The following GLYATL1 variants were observed in gnomAD, a reference collection of about 807,000 sequenced individuals.
GLYATL1 encodes the protein glycine-N-acyltransferase like 1.
GLYATL1 carries 15 observed loss-of-function variants against 20.0 expected under a neutral mutation model. The observed-to-expected ratio is 0.75, with a 90% CI of 0.50 to 1.15. The LOEUF is 1.15. Ranked by LOEUF, GLYATL1 falls within the 50% of genes most tolerant of loss-of-function variation. The pLI is 0.00. For synonymous variants in GLYATL1, 151 were observed against 131.5 expected (o/e 1.15, Z -1.01); for missense variants, 380 against 368.5 (o/e 1.03, Z -0.26).
rs117190061 is a variant in GLYATL1 at position 58,955,885 on chromosome 11, G to A, written c.767G>A (p.Arg256His). The A allele has an allele frequency of 3.3e-4, 530 of 1,614,158 alleles. 1 individual carries two copies. In the East Asian group the frequency reaches 9.8e-3, roughly 30 times the overall value. The change falls in exon 7 of 7, where the codon CGT (arginine) becomes CAT (histidine). Residue 256 changes from arginine (R) to histidine (H), a missense_variant. By Grantham distance (29) the Arg-to-His change is conservative. Transcript: ENST00000532726. ...RVMVRYMKYL[R>H]QKNIPFYISV... ...ATGGTGCGATACATGAAATATCTGC[G>A]TCAGAAGAATATTCCATTTTACATC...
chr11:58,934,712 A>C (rs1855751041), upstream of GLYATL1: 1 of 152,832 alleles, frequency 6.5e-6, no homozygotes, highest in African/African-American at 2.4e-5. Context: ...AGAGGATGGG[A>C]CCATAGGAAC....
intron 2 of GLYATL1, among the ~76,000 whole-genome samples, 175 bp downstream of exon 2, chr11:58,943,841 A>C (rs1856361865): frequency 6.6e-6 from 1 of 152,204 alleles, no homozygotes; most frequent in Admixed American, 6.5e-5. Flanking sequence ...GAGGCCTCTT[A>C]CATCTCACTG....
downstream of GLYATL1, among the ~76,000 whole-genome samples, chr11:58,913,054 C>T (rs1590766518): frequency 6.6e-6 from 1 of 152,176 alleles, no homozygotes; most frequent in Non-Finnish European, 1.5e-5. Flanking sequence ...CTGGCTAGGG[C>T]TTTTTGTCCA....
intron 1 of GLYATL1, among the ~76,000 whole-genome samples, chr11:58,906,787 C>T (rs895175108): frequency 2.0e-5 from 3 of 152,186 alleles, no homozygotes; most frequent in Non-Finnish European, 4.4e-5. Context: ...AGGTTACCTT[C>T]ATAGGTTCTG....
At chr11:58,941,228 C>A (rs1298822390) in intron 1 of GLYATL1, among the ~76,000 whole-genome samples, 1 of 123,116 alleles carries the variant, frequency 8.1e-6, no homozygotes, top group African/African-American at 3.1e-5. Context: ...GTGTGATGTT[C>A]CCCTTCCTGT....
At chr11:58,938,787 G>C (rs117508267), upstream of GLYATL1, among the ~76,000 whole-genome samples, 439 of 152,256 alleles carry the variant, frequency 2.9e-3, 11 homozygotes, top group South Asian at 0.044. Flanking sequence ...CCATATGCAC[G>C]TGCTGAGTTC....
At chr11:58,951,585 C>T (rs527805698) in intron 4 of GLYATL1, among the ~76,000 whole-genome samples, 110 of 152,138 alleles carry the variant, frequency 7.2e-4, no homozygotes, top group African/African-American at 2.6e-3. Flanking sequence ...GACCATTTTT[C>T]GACAATTTTG....
Position 58,955,929 on chromosome 11 carries a change from G to A in GLYATL1, c.811G>A (p.Glu271Lys), listed in dbSNP as rs1369326571. ...TTACATCTCTGTGTTGGAAGAAAAT[G>A]AAGACTCCCGCAGATTTGTGGGGCA... ...PFYISVLEEN[E>K]DSRRFVGQFG... is the part of the protein sequence containing the mutation. Residue 271 changes from glutamate to lysine, a missense_variant, in exon 7 of 7, where the codon GAA (glutamate) becomes AAA (lysine). Coordinates refer to ENST00000532726, the MANE Select transcript of GLYATL1 (RefSeq NM_001389712.2). The A allele has an allele frequency of 6.2e-7, 1 of 1,614,198 alleles. No individual in the cohort carries two copies. Among genetic ancestry groups the A allele is most frequent in the South Asian group, 1.1e-5 (1 of 91,076 alleles).
At chr11:58,925,880 G>A (rs1385434826), upstream of GLYATL1, among the ~76,000 whole-genome samples, 1 of 152,162 alleles carries the variant, frequency 6.6e-6, no homozygotes, top group Non-Finnish European at 1.5e-5. Context: ...CCTGTGGAAT[G>A]TTGAATATTC....
intron 2 of GLYATL1, 119 bp downstream of exon 2, chr11:58,943,785 C>T: frequency 7.1e-7 from 1 of 1,412,462 alleles, no homozygotes; most frequent in East Asian, 2.4e-5. Context: ...CAGACTGGGT[C>T]TAGGAACAGA....
downstream of GLYATL1, among the ~76,000 whole-genome samples, chr11:58,912,624 A>T (rs1310579426): frequency 6.6e-6 from 1 of 152,224 alleles, no homozygotes; most frequent in African/African-American, 2.4e-5. Flanking sequence ...TGTATGCCAG[A>T]TGTGACAGTC....
At chr11:58,932,904 G>A (rs1388204005) in intron 1 of GLYATL1, among the ~76,000 whole-genome samples, 1 of 152,196 alleles carries the variant, frequency 6.6e-6, no homozygotes. Flanking sequence ...CTAATGATTT[G>A]TAGTGTGCTA....
At chr11:58,933,555 C>T (rs1156302255) in intron 1 of GLYATL1, 1 of 152,130 alleles carries the variant, frequency 6.6e-6, no homozygotes, top group Non-Finnish European at 1.5e-5. Flanking sequence ...CCAAGCTATT[C>T]AATGACAATT....
At chr11:58,936,074 A>C (rs1457209768), upstream of GLYATL1, among the ~76,000 whole-genome samples, 1 of 152,232 alleles carries the variant, frequency 6.6e-6, no homozygotes, top group Non-Finnish European at 1.5e-5. Context: ...TAATAAGAGA[A>C]ATAATATGTT....
chr11:58,954,132 T>G (rs1010823450), intron 4 of GLYATL1, among the ~76,000 whole-genome samples: 1 of 152,252 alleles, frequency 6.6e-6, no homozygotes, highest in African/African-American at 2.4e-5. Context: ...CACTAAAGTA[T>G]CTTGCTCAAG....
At chr11:58,947,680 T>C in intron 3 of GLYATL1, 178 bp from the exon 4 acceptor site, 5 of 584,276 alleles carry the variant, frequency 8.6e-6, no homozygotes, top group Non-Finnish European at 1.5e-5. Context: ...TTCTGCCTGC[T>C]TGCTGGTAAC....
intron 4 of GLYATL1, among the ~76,000 whole-genome samples, chr11:58,949,842 GA>G (rs984388301): frequency 6.6e-5 from 10 of 151,774 alleles, no homozygotes; most frequent in Admixed American, 5.2e-4. Context: ...AATTTATCTA[GA>G]AAAAAATTAA....
upstream of GLYATL1, among the ~76,000 whole-genome samples, chr11:58,938,721 A>G (rs1032476055): frequency 1.3e-5 from 2 of 152,156 alleles, no homozygotes; most frequent in African/African-American, 2.4e-5. Context: ...GTCAGATAGC[A>G]TGTGTTTCTG....
At chr11:58,916,734 C>T (rs1028255777) in intron 1 of GLYATL1, among the ~76,000 whole-genome samples, 6 of 152,210 alleles carry the variant, frequency 3.9e-5, no homozygotes, top group Non-Finnish European at 8.8e-5. Flanking sequence ...TACAAGTTGT[C>T]CTTGTTCTTG....
Sources: allele counts gnomAD v4.1 joint callset (sites outside exome capture counted in the v4.1 genomes callset), GRCh38; gene constraint gnomAD v4.1.1; transcripts MANE v1.5; gene names NCBI Gene and HGNC (gene_info 2026-07-23, HGNC 2026-07-21).